UBE3C: variants seen among roughly 807,000 people sequenced by gnomAD.
The protein encoded by UBE3C is ubiquitin-protein ligase E3C.
A neutral mutation model predicts 129.4 loss-of-function variants in UBE3C; 42 were observed. The observed-to-expected ratio is 0.32, with a 90% CI of 0.25 to 0.42. UBE3C has a LOEUF of 0.42. UBE3C is among the 10% of genes least tolerant of loss of function. UBE3C has a pLI of 1.00. For missense variants in UBE3C, 1,049 were observed against 1,319.1 expected, an observed-to-expected ratio of 0.80 and a Z score of 3.17; for synonymous variants, 510 against 492.4, an observed-to-expected ratio of 1.04 and a Z score of -0.47.
chr7:157,242,254 G>A (rs550215925), intron 18 of UBE3C, among the ~76,000 whole-genome samples: 5 of 152,130 alleles, frequency 3.3e-5, no homozygotes, highest in African/African-American at 9.7e-5. Context: ...GGATGCTTTC[G>A]TTCTAAAGCT....
intron 18 of UBE3C, among the ~76,000 whole-genome samples, chr7:157,234,681 C>G (rs58300955): frequency 0.34 from 50,997 of 152,072 alleles, 11,599 homozygotes; most frequent in African/African-American, 0.64. Context: ...GGGCTCCAAC[C>G]TGACTTCACT....
At chr7:157,235,478 T>C (rs541163657) in intron 18 of UBE3C, among the ~76,000 whole-genome samples, 2 of 152,228 alleles carry the variant, frequency 1.3e-5, no homozygotes, top group South Asian at 2.1e-4. Context: ...CTAATAGTTA[T>C]GTAAGTCTGG....
chr7:157,257,088 TAAGA>T, intron 22 of UBE3C, 44 bp downstream of exon 22: 1 of 1,608,952 alleles, frequency 6.2e-7, no homozygotes, highest in Non-Finnish European at 8.5e-7. Flanking sequence ...CACTTCATAA[TAAGA>T]AAGGCAGCAG....
intron 1 of UBE3C, among the ~76,000 whole-genome samples, chr7:157,160,068 ACTTTTTTTTTT>A (rs769723359): frequency 3.1e-4 from 46 of 150,704 alleles, no homozygotes; most frequent in Non-Finnish European, 4.9e-4. Context: ...TTCCGTAGTT[ACTTTTTTTTTT>A]CTTTTTTTTT....
chr7:157,175,667 AT>A (rs199609591), intron 5 of UBE3C, among the ~76,000 whole-genome samples: 2,184 of 152,234 alleles, frequency 0.014, 41 homozygotes, highest in African/African-American at 0.049. Flanking sequence ...TTTGTTTAGG[AT>A]TACTGTCAGA....
At chr7:157,186,519 G>T (rs965586778) in intron 9 of UBE3C, among the ~76,000 whole-genome samples, 2 of 151,910 alleles carry the variant, frequency 1.3e-5, no homozygotes, top group Non-Finnish European at 2.9e-5. Flanking sequence ...CACTATGTAT[G>T]GTTGTCTTAG....
At chr7:157,174,278 T>C (rs371782525) in intron 4 of UBE3C, among the ~76,000 whole-genome samples, 2 of 152,176 alleles carry the variant, frequency 1.3e-5, no homozygotes, top group East Asian at 1.9e-4. Context: ...ATGAGACTTA[T>C]GCCTAATATA....
At chr7:157,220,867 A>T in intron 15 of UBE3C, 91 bp downstream of exon 15, 2 of 1,398,514 alleles carry the variant, frequency 1.4e-6, no homozygotes, top group Non-Finnish European at 9.7e-7. Flanking sequence ...TTTTTCATAA[A>T]CTTATACAGC....
chr7:157,214,797 T>C (rs1046196089), intron 13 of UBE3C, among the ~76,000 whole-genome samples: 1 of 152,194 alleles, frequency 6.6e-6, no homozygotes, highest in African/African-American at 2.4e-5. Flanking sequence ...GTAAAATGAA[T>C]GACTTTCAAG....
chr7:157,183,750 G>A, intron 8 of UBE3C, 128 bp from the exon 9 acceptor site: 1 of 1,190,344 alleles, frequency 8.4e-7, no homozygotes. Flanking sequence ...TTATAACACA[G>A]TTAGAATTTT....
intron 1 of UBE3C, among the ~76,000 whole-genome samples, chr7:157,156,654 TC>T (rs1483260235): frequency 6.6e-6 from 1 of 150,870 alleles, no homozygotes; most frequent in East Asian, 1.9e-4. Context: ...TTTTTACACA[TC>T]CTGTCAGAGC....
chr7:157,206,299 G>A (rs1330932516), intron 11 of UBE3C, among the ~76,000 whole-genome samples: 1 of 152,198 alleles, frequency 6.6e-6, no homozygotes, highest in African/African-American at 2.4e-5. Flanking sequence ...GTCTCGCCCT[G>A]TTGCCCAGGC....
chr7:157,263,491 C>G (rs1230223916), intron 22 of UBE3C, among the ~76,000 whole-genome samples: 1 of 152,106 alleles, frequency 6.6e-6, no homozygotes, highest in Non-Finnish European at 1.5e-5. Flanking sequence ...TGGCGAAACC[C>G]CATCTCTACT....
chr7:157,142,018 C>T (rs1160615306), intron 1 of UBE3C, among the ~76,000 whole-genome samples: 1 of 152,228 alleles, frequency 6.6e-6, no homozygotes, highest in Non-Finnish European at 1.5e-5. Context: ...CCCACAGCAT[C>T]TGAAGGTATC....
intron 2 of UBE3C, among the ~76,000 whole-genome samples, chr7:157,168,266 G>T (rs181428674): frequency 6.6e-6 from 1 of 151,370 alleles, no homozygotes; most frequent in African/African-American, 2.4e-5. Flanking sequence ...CAGGAGAATG[G>T]TGTGAACCCA....
At position 157,267,446 on chromosome 7, in the gene UBE3C, A is replaced by T. The variant is rs528518958; in HGVS notation, c.3082-139A>T. On this transcript the variant is annotated intron_variant, in intron 22 of 22. Transcript: ENST00000348165. The stretch of plus-strand genomic sequence containing the variant: ...CAAAGAAAACAAACAACAACAACAA[A>T]GCAAATGTGGTTTCGGGAAAATGTG... The T allele has an allele frequency of 1.1e-4, 117 of 1,074,456 alleles. No homozygotes were observed. The African/African-American group carries it at 1.8e-3, about 16-fold the overall frequency. 66.6% of individuals were successfully genotyped at this position (1,074,456 alleles called of 1,614,324 possible). A position where few individuals can be genotyped will look rare whatever the true frequency, so the allele number is the denominator to read the frequency against.
chr7:157,177,821 C>T (rs1808561600), intron 5 of UBE3C, among the ~76,000 whole-genome samples: 1 of 152,168 alleles, frequency 6.6e-6, no homozygotes, highest in Admixed American at 6.5e-5. Flanking sequence ...TTATTCCCCT[C>T]CTGGCAGGGC....
chr7:157,189,200 T>C (rs1214335727), intron 10 of UBE3C: 1 of 378,148 alleles, frequency 2.6e-6, no homozygotes, highest in African/African-American at 2.1e-5. Context: ...AGAAGTGCTC[T>C]TCTGAGTACA....
intron 8 of UBE3C, among the ~76,000 whole-genome samples, 189 bp from the exon 9 acceptor site, chr7:157,183,689 T>C (rs1227922320): frequency 1.3e-5 from 2 of 152,118 alleles, no homozygotes; most frequent in Admixed American, 1.3e-4. Context: ...ATTACAAGAG[T>C]TGTAGGTGCT....
Sources: allele counts gnomAD v4.1 joint callset (sites outside exome capture counted in the v4.1 genomes callset), GRCh38; gene constraint gnomAD v4.1.1; transcripts MANE v1.5; gene names NCBI Gene and HGNC (gene_info 2026-07-23, HGNC 2026-07-21).